The following SCAF1 variants were observed in gnomAD, a reference collection of about 807,000 sequenced individuals.
The protein encoded by SCAF1 is SR-related CTD associated factor 1, also known as splicing factor, arginine/serine-rich 19.
Under a neutral mutation model 91.2 loss-of-function variants are expected in SCAF1, and 28 were observed. The observed-to-expected ratio is 0.31, with a 90% CI of 0.23 to 0.42. SCAF1 has a LOEUF of 0.42. Ranked by LOEUF, SCAF1 falls within the 10% of genes least tolerant of loss-of-function variation. The probability of loss-of-function intolerance (pLI) is 1.00; values close to 1 mark genes in which losing one functional copy is unlikely to be tolerated. For synonymous variants in SCAF1, 1,036 were observed against 833.7 expected (o/e 1.24, Z -4.18); for missense variants, 1,893 against 1,872.1 (o/e 1.01, Z -0.21).
chr19:49,652,852 CTCG>C lies in SCAF1; in HGVS notation c.2469_2471del (p.Ser825del), dbSNP rs1206700409. 1.2e-6 allele frequency: 2 copies of C among 1,614,062 alleles called. No individual in the cohort carries two copies. Among genetic ancestry groups the C allele is most frequent in the South Asian group, 1.1e-5 (1 of 91,082 alleles). On this transcript the variant is annotated inframe_deletion, in exon 7 of 11. Coordinates refer to ENST00000360565, the MANE Select transcript of SCAF1 (RefSeq NM_021228.3). ...TCAGCAGCGGCTCAGGCTCTTCATCCTCGTCGTCCTCCTGTTCTTCCCGGAAGG... is the reference window on the plus strand; with the variant it reads ...TCAGCAGCGGCTCAGGCTCTTCATCCTCGTCCTCCTGTTCTTCCCGGAAGG...
At chr19:49,657,641 C>A in intron 9 of SCAF1, 120 bp from the exon 10 acceptor site, 1 of 1,293,870 alleles carries the variant, frequency 7.7e-7, no homozygotes, top group Non-Finnish European at 1.1e-6. Flanking sequence ...GGACTTCCAG[C>A]CTGAGAGCAG....
intron 6 of SCAF1, among the ~76,000 whole-genome samples, chr19:49,650,399 T>TGCA (rs920195613): frequency 6.6e-6 from 1 of 152,202 alleles, no homozygotes; most frequent in African/African-American, 2.4e-5. Context: ...GCTCTCCCCC[T>TGCA]GCAGCCTGTT....
Position 49,653,080 on chromosome 19 carries a change from C to G in SCAF1, c.2691C>G (p.Pro897=), listed in dbSNP as rs2081112223. The part of the protein sequence containing the change: ...MAKAAPGSTK[P]KKTKVKAKAG... ...AAGCAGCTCCGGGCAGCACCAAGCC[C>G]AAAAAGACCAAGGTCAAGGCCAAGG... The change falls in exon 7 of 11, where the codon CCC becomes CCG. Residue 897 remains proline, a synonymous_variant. Coordinates refer to ENST00000360565, the MANE Select transcript of SCAF1 (RefSeq NM_021228.3). The G allele has an allele frequency of 1.9e-6, 3 of 1,612,878 alleles. No individual in the cohort carries two copies. The highest frequency in any genetic ancestry group is 1.7e-5 in the Admixed American group (1 of 59,780).
chr19:49,641,288 G>A (rs2081024895), upstream of SCAF1, among the ~76,000 whole-genome samples: 1 of 152,160 alleles, frequency 6.6e-6, no homozygotes, highest in Non-Finnish European at 1.5e-5. Context: ...GGCGGCTATG[G>A]GGTCGGGCTT....
chr19:49,650,954 G>A lies in SCAF1; in HGVS notation c.565G>A (p.Ala189Thr). The change falls in exon 7 of 11, where the codon GCC becomes ACC. Residue 189 changes from alanine (A) to threonine (T), a missense_variant. This residue lies in a region of SCAF1 where 270 missense variants were observed against 292.5 expected (regional missense o/e 0.92). Transcript: ENST00000360565. ...AGACGGGGGCCCTGCCCCACCCCCTGCCCCCTCCTCTGCATCCTCCTCCCC... is the reference window on the plus strand; with the variant it reads ...AGACGGGGGCCCTGCCCCACCCCCTACCCCCTCCTCTGCATCCTCCTCCCC... ...TGDGGPAPPPAPSSASSSPSP... is the reference protein window; with the variant it reads ...TGDGGPAPPPTPSSASSSPSP... 2 of 1,330,746 alleles carry A rather than the reference G, an allele frequency of 1.5e-6. No individual in the cohort carries two copies. Among genetic ancestry groups the A allele is most frequent in the Non-Finnish European group, 9.9e-7 (1 of 1,011,440 alleles). 82.4% of individuals were successfully genotyped at this position (1,330,746 alleles called of 1,614,324 possible).
chr19:49,653,221 G>C lies in SCAF1; in HGVS notation c.2832G>C (p.Lys944Asn). 2 of 1,518,138 alleles carry C rather than the reference G, an allele frequency of 1.3e-6. No individual in the cohort carries two copies. The highest frequency in any genetic ancestry group is 1.8e-6 in the Non-Finnish European group (2 of 1,132,792). The allele number at this position is 1,518,138 out of a possible 1,614,324, so 94.0% of individuals were successfully genotyped here. Reference protein sequence around the residue: ...GGSGGQVSLKKSKADSCSQAA... With the variant: ...GGSGGQVSLKNSKADSCSQAA... ...GTGGTGGCCAGGTGTCGCTGAAGAA[G>C]TCCAAGGCGGATAGCTGCAGCCAGG... is the stretch of plus-strand genomic sequence containing the variant. The change falls in exon 7 of 11, where the codon AAG (lysine) becomes AAC (asparagine). Residue 944 changes from lysine to asparagine, a missense_variant. This residue lies in a region of SCAF1 where 1,436 missense variants were observed against 1,306.8 expected (regional missense o/e 1.10). Coordinates refer to ENST00000360565, the MANE Select transcript of SCAF1 (RefSeq NM_021228.3).
Position 49,652,111 on chromosome 19 carries a change from C to T in SCAF1, c.1722C>T (p.Ser574=). 1 of 979,012 alleles carries T rather than the reference C, an allele frequency of 1.0e-6. No individual in the cohort carries two copies. The highest frequency in any genetic ancestry group is 2.5e-5 in the South Asian group (1 of 39,486). The allele number at this position is 979,012 out of a possible 1,614,324, so 60.6% of individuals were successfully genotyped here. Reference sequence around the variant, plus strand: ...CCTCGTCGTCCGCCCGCCGCCGCTCCCGCTCCCGCTCCCGCTCCCGCTCCA... The same window carrying T: ...CCTCGTCGTCCGCCCGCCGCCGCTCTCGCTCCCGCTCCCGCTCCCGCTCCA... ...SHASSSARRR[S]RSRSRSRSTR... The change falls in exon 7 of 11, where the codon TCC becomes TCT. Residue 574 remains serine (S), a synonymous_variant. Coordinates refer to ENST00000360565, the MANE Select transcript of SCAF1 (RefSeq NM_021228.3).
chr19:49,646,247 G>A lies in SCAF1; in HGVS notation c.261+45G>A, dbSNP rs759293780. 3.3e-6 allele frequency: 5 copies of A among 1,506,358 alleles called. No homozygotes were observed. Among genetic ancestry groups the A allele is most frequent in the Admixed American group, 1.9e-5 (1 of 52,294 alleles). 93.3% of individuals were successfully genotyped at this position (1,506,358 alleles called of 1,614,324 possible). A position where few individuals can be genotyped will look rare whatever the true frequency, so the allele number is the denominator to read the frequency against. On this transcript the variant is annotated intron_variant, in intron 4 of 10. Coordinates refer to ENST00000360565, the MANE Select transcript of SCAF1 (RefSeq NM_021228.3). This position sits in a 1 kb window ranked among gnomAD's most constrained non-coding sequence, Gnocchi z 5.6. Reference sequence around the variant, plus strand: ...TGGGGGCCTGGCTCACGGGTATCAGGGAGGAAGGGATGGGGGCCTGAGTCT... The same window carrying A: ...TGGGGGCCTGGCTCACGGGTATCAGAGAGGAAGGGATGGGGGCCTGAGTCT...
chr19:49,644,932 G>A (rs2081045929), intron 1 of SCAF1, 89 bp from the exon 2 acceptor site: 3 of 849,262 alleles, frequency 3.5e-6, no homozygotes, highest in Admixed American at 4.5e-5. Flanking sequence ...GGGAGATAGT[G>A]TGGGGCCCTT....
rs2081054734 is a variant in SCAF1 at position 49,646,277 on chromosome 19, G to A, written c.261+75G>A. The A allele has an allele frequency of 3.7e-6, 4 of 1,086,282 alleles. No individual in the cohort carries two copies. The highest frequency in any genetic ancestry group is 2.3e-4 in the Middle Eastern group (1 of 4,324). 67.3% of individuals were successfully genotyped at this position (1,086,282 alleles called of 1,614,324 possible). A position where few individuals can be genotyped will look rare whatever the true frequency, so the allele number is the denominator to read the frequency against. On this transcript the variant is annotated intron_variant, in intron 4 of 10. Transcript: ENST00000360565. This position sits in a 1 kb window ranked among gnomAD's most constrained non-coding sequence, Gnocchi z 5.6. ...AAGGGATGGGGGCCTGAGTCTGGGGGAATGGGGTTTGGGGACCTGGACTCC... is the reference window on the plus strand; with the variant it reads ...AAGGGATGGGGGCCTGAGTCTGGGGAAATGGGGTTTGGGGACCTGGACTCC...
intron 9 of SCAF1, among the ~76,000 whole-genome samples, chr19:49,657,260 T>C (rs1286620899): frequency 6.6e-6 from 1 of 151,966 alleles, no homozygotes; most frequent in Non-Finnish European, 1.5e-5. Flanking sequence ...GGGCTCAAGG[T>C]CAGTCCCCAC....
At position 49,646,951 on chromosome 19, in the gene SCAF1, T is replaced by A; in HGVS notation, c.478+121T>A. 1.4e-6 allele frequency: 1 copy of A among 718,040 alleles called. No individual in the cohort carries two copies. The allele number at this position is 718,040 out of a possible 1,614,324, so 44.5% of individuals were successfully genotyped here. On this transcript the variant is annotated intron_variant, in intron 6 of 10. Coordinates refer to ENST00000360565, the MANE Select transcript of SCAF1 (RefSeq NM_021228.3). The surrounding 1 kb of genome is among the most constrained non-coding windows in gnomAD (Gnocchi z 5.6). Reference sequence around the variant, plus strand: ...AGACAAAACCTTTCCCTTCTCTTCGTATTAGACGTGATTAAGGCTGTAGGC... The same window carrying A: ...AGACAAAACCTTTCCCTTCTCTTCGAATTAGACGTGATTAAGGCTGTAGGC...
rs1240192676 is a variant in SCAF1, at chr19:49,652,275, G to A, written c.1886G>A (p.Arg629Gln). 6.1e-6 allele frequency: 9 copies of A among 1,486,872 alleles called. No homozygotes were observed. The highest frequency in any genetic ancestry group is 2.9e-5 in the African/African-American group (2 of 69,154). 92.1% of individuals were successfully genotyped at this position (1,486,872 alleles called of 1,614,324 possible). ...TSSSSSSRRE[R>Q]HRGKHRDGGG... Reference sequence around the variant, plus strand: ...TCATCGTCGTCCTCGAGGCGCGAGCGGCACCGCGGGAAACACCGGGACGGT... The same window carrying A: ...TCATCGTCGTCCTCGAGGCGCGAGCAGCACCGCGGGAAACACCGGGACGGT... Residue 629 changes from arginine (R) to glutamine (Q), a missense_variant, in exon 7 of 11, where the codon CGG (arginine) becomes CAG (glutamine). Physicochemically the swap from Arg to Gln is conservative, Grantham distance 43 (BLOSUM62 1). Around this residue, in one of 5 missense-constraint regions of SCAF1, gnomAD observed 1,436 missense variants for 1,306.8 expected, o/e 1.10. Coordinates refer to ENST00000360565, the MANE Select transcript of SCAF1 (RefSeq NM_021228.3).
At chr19:49,657,274 C>G (rs2081145690) in intron 9 of SCAF1, among the ~76,000 whole-genome samples, 1 of 151,954 alleles carries the variant, frequency 6.6e-6, no homozygotes, top group Non-Finnish European at 1.5e-5. Flanking sequence ...TCCCCACCCC[C>G]ACTCCCCAGT....
At chr19:49,656,507 C>T (rs1382198627) in intron 9 of SCAF1, among the ~76,000 whole-genome samples, 1 of 152,248 alleles carries the variant, frequency 6.6e-6, no homozygotes, top group African/African-American at 2.4e-5. Flanking sequence ...TGCCAAGGGA[C>T]TGTCCCTTGT....
chr19:49,652,112 CG>C lies in SCAF1; in HGVS notation c.1724del (p.Arg575ProfsTer163). The C allele has an allele frequency of 2.8e-6, 3 of 1,081,048 alleles. No homozygotes were observed. In the South Asian group the frequency reaches 6.9e-5, roughly 25 times the overall value. The allele number at this position is 1,081,048 out of a possible 1,614,324, so 67.0% of individuals were successfully genotyped here. A position where few individuals can be genotyped will look rare whatever the true frequency, so the allele number is the denominator to read the frequency against. On this transcript the variant is annotated frameshift_variant, in exon 7 of 11. Coordinates refer to ENST00000360565, the MANE Select transcript of SCAF1 (RefSeq NM_021228.3). LOFTEE classifies it high-confidence loss of function. ...HASSSARRRS[R>X]SRSRSRSTRR... ...CTCGTCGTCCGCCCGCCGCCGCTCCCGCTCCCGCTCCCGCTCCCGCTCCACC... is the reference window on the plus strand; with the variant it reads ...CTCGTCGTCCGCCCGCCGCCGCTCCCCTCCCGCTCCCGCTCCCGCTCCACC...
In SCAF1 at chr19:49,654,675, C is replaced by T. The variant is rs770722067; in HGVS notation, c.3423C>T (p.Pro1141=). Residue 1141 remains proline (P), a synonymous_variant, in exon 9 of 11, where the codon CCC becomes CCT. Transcript: ENST00000360565. ...AGATCCTCAGCCACAGAAAGCCACC[C>T]TCAAGTCTGGGGATGACCCCAGCTC... ...TNQILSHRKP[P]SSLGMTPAPV... 6.8e-5 allele frequency: 109 copies of T among 1,613,276 alleles called. No individual in the cohort carries two copies. Among genetic ancestry groups the T allele is most frequent in the Non-Finnish European group, 8.9e-5 (105 of 1,179,562 alleles).
In SCAF1 at chr19:49,651,724, C is replaced by T; in HGVS notation, c.1335C>T (p.Asp445=). The change falls in exon 7 of 11, where the codon GAC becomes GAT. Residue 445 remains aspartate, a synonymous_variant. Coordinates refer to ENST00000360565, the MANE Select transcript of SCAF1 (RefSeq NM_021228.3). The part of the protein sequence containing the change: ...PPAPRAPEGD[D]FLSLHAESDG... ...CTCCGCGGGCCCCCGAGGGGGACGA[C>T]TTCTTGTCCCTGCATGCGGAGTCGG... 1 of 1,373,754 alleles carries T rather than the reference C, an allele frequency of 7.3e-7. No individual in the cohort carries two copies. The highest frequency in any genetic ancestry group is 1.7e-5 in the South Asian group (1 of 60,352). The allele number at this position is 1,373,754 out of a possible 1,614,324, so 85.1% of individuals were successfully genotyped here. A position where few individuals can be genotyped will look rare whatever the true frequency, so the allele number is the denominator to read the frequency against.
At chr19:49,656,827 A>G (rs1486753803) in intron 9 of SCAF1, among the ~76,000 whole-genome samples, 4 of 152,160 alleles carry the variant, frequency 2.6e-5, no homozygotes, top group Admixed American at 2.6e-4. Flanking sequence ...TCGCTGTAGT[A>G]CTGCCCATAG....
Sources: gnomAD v4.1 joint callset for allele counts (sites outside exome capture counted in the v4.1 genomes callset) on GRCh38, gnomAD v4.1.1 for gene constraint, gnomAD v4.1.1 regional missense constraint, Gnocchi (gnomAD v3.1) non-coding constraint, MANE v1.5 for transcripts, NCBI Gene and HGNC (gene_info 2026-07-23, HGNC 2026-07-21) for gene names.